The following SCRT1 variants were observed in gnomAD, a reference collection of about 807,000 sequenced individuals.
The protein encoded by SCRT1 is transcriptional repressor scratch 1.
SCRT1 carries 1 observed loss-of-function variant against 3.4 expected under a neutral mutation model. That is an observed-to-expected ratio of 0.29 (90% confidence interval 0.10 to 1.39). The LOEUF (loss-of-function observed/expected upper bound fraction) is 1.39. Among genes scored for constraint, SCRT1 ranks in the 40% most tolerant of loss-of-function variants. SCRT1 has a pLI of 0.42. For synonymous variants in SCRT1, 238 were observed against 247.0 expected (o/e 0.96, Z 0.34); for missense variants, 380 against 526.3 (o/e 0.72, Z 2.72).
At position 144,333,959 on chromosome 8, in the gene SCRT1, G is replaced by A. The variant is rs1554850010; in HGVS notation, c.273C>T (p.Arg91=). Residue 91 remains arginine (R), a synonymous_variant, in exon 2 of 2, where the codon CGC becomes CGT. Transcript: ENST00000569446. ...AAGSAPPPTP[R]PELATAAGGY... is the part of the protein sequence containing the mutation. ...CGCCCGCAGCGGTGGCCAGCTCCGG[G>A]CGCGGGGTGGGCGGCGGCGCAGACC... 3 of 1,358,760 alleles carry A rather than the reference G, an allele frequency of 2.2e-6. No individual in the cohort carries two copies. The highest frequency in any genetic ancestry group is 2.8e-6 in the Non-Finnish European group (3 of 1,058,442). 84.2% of individuals were successfully genotyped at this position (1,358,760 alleles called of 1,614,324 possible).
In SCRT1 at chr8:144,335,196, C is replaced by T. The variant is rs1203482881; in HGVS notation, c.115+859G>A. On this transcript the variant is annotated intron_variant, in intron 1 of 1. Transcript: ENST00000569446. The surrounding 1 kb of genome is among the most constrained non-coding windows in gnomAD (Gnocchi z 7.7). ...CGCAGGGTCACACATGCAGTCACCC[C>T]GGACACACTCTCAAGTCACATGGTG... Among the ~76,000 whole-genome samples, 6 of 152,304 alleles carry T rather than the reference C, an allele frequency of 3.9e-5. No homozygotes were observed. Among genetic ancestry groups the T allele is most frequent in the African/African-American group, 1.4e-4 (6 of 41,552 alleles).
intron 1 of SCRT1, 102 bp from the exon 2 acceptor site, chr8:144,334,218 C>T: frequency 1.1e-6 from 1 of 912,300 alleles, no homozygotes; most frequent in Non-Finnish European, 1.6e-6. Context: ...ACCGGGAGAC[C>T]CGGGTCCGGG....
In SCRT1 at chr8:144,333,761, C is replaced by G; in HGVS notation, c.471G>C (p.Gly157=). Residue 157 remains glycine (G), a synonymous_variant, in exon 2 of 2, where the codon GGG becomes GGC. Coordinates refer to ENST00000569446, the MANE Select transcript of SCRT1 (RefSeq NM_031309.6). ...GDAGGGGGAG[G]RSLGSGPGGR... Reference sequence around the variant, plus strand: ...CCCCCGGCCCGGATCCCAAGCTGCGCCCGCCCGCCCCGCCCCCGCCTCCGG... The same window carrying G: ...CCCCCGGCCCGGATCCCAAGCTGCGGCCGCCCGCCCCGCCCCCGCCTCCGG... The G allele has an allele frequency of 8.5e-7, 1 of 1,171,042 alleles. No homozygotes were observed. Among genetic ancestry groups the G allele is most frequent in the Non-Finnish European group, 1.1e-6 (1 of 949,574 alleles). 72.5% of individuals were successfully genotyped at this position (1,171,042 alleles called of 1,614,324 possible). A position where few individuals can be genotyped will look rare whatever the true frequency, so the allele number is the denominator to read the frequency against.
rs1817823845 is a variant in SCRT1, at chr8:144,333,313, T to G, written c.919A>C (p.Lys307Gln). 6.2e-7 allele frequency: 1 copy of G among 1,612,790 alleles called. No individual in the cohort carries two copies. The change falls in exon 2 of 2, where the codon AAG (lysine) becomes CAG (glutamine). Residue 307 changes from lysine (K) to glutamine (Q), a missense_variant. Coordinates refer to ENST00000569446, the MANE Select transcript of SCRT1 (RefSeq NM_031309.6). ...AGCGCGAAGCTCTTCTTGCAGCGCT[T>G]GCACTGGAAGTGCTTGAAGGCCGAA... ...THSAFKHFQCKRCKKSFALKS... is the reference protein window; with the variant it reads ...THSAFKHFQCQRCKKSFALKS...
At position 144,333,773 on chromosome 8, in the gene SCRT1, G is replaced by A. The variant is rs1225487214; in HGVS notation, c.459C>T (p.Gly153=). ...ATCCCAAGCTGCGCCCGCCCGCCCC[G>A]CCCCCGCCTCCGGCGTCGCCGTCGG... ...AAPDGDAGGG[G]GAGGRSLGSG... Residue 153 remains glycine, a synonymous_variant, in exon 2 of 2, where the codon GGC becomes GGT. Coordinates refer to ENST00000569446, the MANE Select transcript of SCRT1 (RefSeq NM_031309.6). The A allele has an allele frequency of 1.0e-5, 12 of 1,190,964 alleles. No homozygotes were observed. In the East Asian group the frequency reaches 2.5e-4, roughly 25 times the overall value. 73.8% of individuals were successfully genotyped at this position (1,190,964 alleles called of 1,614,324 possible). A position where few individuals can be genotyped will look rare whatever the true frequency, so the allele number is the denominator to read the frequency against.
At position 144,331,227 on chromosome 8, in the gene SCRT1, A is replaced by G. The variant is rs1049381745; in HGVS notation, c.*1958T>C. 1 of 152,312 alleles carries G rather than the reference A, an allele frequency of 6.6e-6. No homozygotes were observed. Among genetic ancestry groups the G allele is most frequent in the Non-Finnish European group, 1.5e-5 (1 of 68,108 alleles). The allele number at this position is 152,312 out of a possible 1,614,324, so 9.4% of individuals were successfully genotyped here. ...TGCTGGGGGTGAGGCTGGCCACACC[A>G]TAGGCTACAGCTGGCACCTTCTTCT... is the stretch of plus-strand genomic sequence containing the variant. On this transcript the variant is annotated 3_prime_UTR_variant, in exon 2 of 2. Transcript: ENST00000569446.
rs1163474310 is a variant in SCRT1, at chr8:144,335,929, C to T, written c.115+126G>A. 14 of 647,144 alleles carry T rather than the reference C, an allele frequency of 2.2e-5. No individual in the cohort carries two copies. In the Middle Eastern group the frequency reaches 1.3e-3, roughly 59 times the overall value. 40.1% of individuals were successfully genotyped at this position (647,144 alleles called of 1,614,324 possible). A position where few individuals can be genotyped will look rare whatever the true frequency, so the allele number is the denominator to read the frequency against. On this transcript the variant is annotated intron_variant, in intron 1 of 1. Coordinates refer to ENST00000569446, the MANE Select transcript of SCRT1 (RefSeq NM_031309.6). The surrounding 1 kb of genome is among the most constrained non-coding windows in gnomAD (Gnocchi z 7.7). Reference sequence around the variant, plus strand: ...CTACCGTCCAGGCTCCAGCCACAGACTCTTGCCGTTTCTGGTTCCCTTCAG... The same window carrying T: ...CTACCGTCCAGGCTCCAGCCACAGATTCTTGCCGTTTCTGGTTCCCTTCAG...
chr8:144,332,907 T>G lies in SCRT1; in HGVS notation c.*278A>C. The G allele has an allele frequency of 7.9e-6, 3 of 377,900 alleles. No homozygotes were observed. The highest frequency in any genetic ancestry group is 4.2e-5 in the East Asian group (1 of 23,954). The allele number at this position is 377,900 out of a possible 1,614,324, so 23.4% of individuals were successfully genotyped here. The stretch of plus-strand genomic sequence containing the variant: ...TCAGAGACCCAACTCGGAGATGAGG[T>G]TCGGTTCTAGGTCTCGTCGACCCTA... On this transcript the variant is annotated 3_prime_UTR_variant, in exon 2 of 2. Transcript: ENST00000569446.
At position 144,333,116 on chromosome 8, in the gene SCRT1, C is replaced by T. The variant is rs535278359; in HGVS notation, c.*69G>A. Reference sequence around the variant, plus strand: ...CCGCCCTCCGGCCCCTCCACCCGGACGCCAGCGAAGACTTCCCTGGGGGGC... The same window carrying T: ...CCGCCCTCCGGCCCCTCCACCCGGATGCCAGCGAAGACTTCCCTGGGGGGC... On this transcript the variant is annotated 3_prime_UTR_variant, in exon 2 of 2. Transcript: ENST00000569446. 2.6e-3 allele frequency: 3,465 copies of T among 1,323,032 alleles called. 53 individuals carry two copies. The African/African-American group carries it at 0.043, about 16-fold the overall frequency. The allele number at this position is 1,323,032 out of a possible 1,614,324, so 82.0% of individuals were successfully genotyped here.
chr8:144,336,355 C>G lies in SCRT1; in HGVS notation c.-186G>C. ...CCCTGCGTCTCCTCCGTTGCCCCTC[C>G]GGATCCCTCTTCTTCCTCCTTCCTT... On this transcript the variant is annotated 5_prime_UTR_variant, in exon 1 of 2. Transcript: ENST00000569446. This position sits in a 1 kb window ranked among gnomAD's most constrained non-coding sequence, Gnocchi z 6.8. 1 of 524,504 alleles carries G rather than the reference C, an allele frequency of 1.9e-6. No individual in the cohort carries two copies. 32.5% of individuals were successfully genotyped at this position (524,504 alleles called of 1,614,324 possible).
In SCRT1 at chr8:144,335,450, A is replaced by C. The variant is rs545078117; in HGVS notation, c.115+605T>G. Among the ~76,000 whole-genome samples the C allele has an allele frequency of 2.6e-4, 40 of 152,054 alleles. No individual in the cohort carries two copies. The highest frequency in any genetic ancestry group is 2.5e-3 in the Admixed American group (38 of 15,294). ...TGTCCTTGAACTTGGGCACCCTTAC[A>C]CAAAGAGCCTCCCCCTGCCTCCCAC... On this transcript the variant is annotated intron_variant, in intron 1 of 1. Transcript: ENST00000569446. The surrounding 1 kb of genome is among the most constrained non-coding windows in gnomAD (Gnocchi z 7.7).
Position 144,333,165 on chromosome 8 carries a change from C to A in SCRT1, c.*20G>T. 2 of 1,486,352 alleles carry A rather than the reference C, an allele frequency of 1.3e-6. No individual in the cohort carries two copies. Among genetic ancestry groups the A allele is most frequent in the Non-Finnish European group, 8.9e-7 (1 of 1,124,132 alleles). The allele number at this position is 1,486,352 out of a possible 1,614,324, so 92.1% of individuals were successfully genotyped here. The stretch of plus-strand genomic sequence containing the variant: ...GCCGTATTGCTGAGAGCCGACCTGG[C>A]TGGGGGAGGCCCCGCCGCCCTAGGC... On this transcript the variant is annotated 3_prime_UTR_variant, in exon 2 of 2. Coordinates refer to ENST00000569446, the MANE Select transcript of SCRT1 (RefSeq NM_031309.6).
rs1299000906 is a variant in SCRT1, at chr8:144,331,603, G to C, written c.*1582C>G. 6.6e-6 allele frequency: 1 copy of C among 152,278 alleles called. No homozygotes were observed. Among genetic ancestry groups the C allele is most frequent in the African/African-American group, 2.4e-5 (1 of 41,458 alleles). The allele number at this position is 152,278 out of a possible 1,614,324, so 9.4% of individuals were successfully genotyped here. A position where few individuals can be genotyped will look rare whatever the true frequency, so the allele number is the denominator to read the frequency against. ...GGCACATAGTAGGTGCTCAATGAAC[G>C]GTCAGTGAATGATTAATGCCTGAAG... On this transcript the variant is annotated 3_prime_UTR_variant, in exon 2 of 2. Transcript: ENST00000569446.
rs1391135479 is a variant in SCRT1 at position 144,332,471 on chromosome 8, ATG to A, written c.*712_*713del. ...GTCGGATAAGTCCATGCGATTCGAT[ATG>A]TGTCATTATTATTCGATATGGAGGA... On this transcript the variant is annotated 3_prime_UTR_variant, in exon 2 of 2. Coordinates refer to ENST00000569446, the MANE Select transcript of SCRT1 (RefSeq NM_031309.6). 6.6e-6 allele frequency: 1 copy of A among 152,200 alleles called. No homozygotes were observed. The highest frequency in any genetic ancestry group is 1.5e-5 in the Non-Finnish European group (1 of 67,964). The allele number at this position is 152,200 out of a possible 1,614,324, so 9.4% of individuals were successfully genotyped here.
rs1817729561 is a variant in SCRT1 at position 144,330,981 on chromosome 8, C to T, written c.*2204G>A. Reference sequence around the variant, plus strand: ...GGGGTGTAGGGGGAAGCAGGAGACCCTGACGGGCCCACAGCCCTCCAGCTT... The same window carrying T: ...GGGGTGTAGGGGGAAGCAGGAGACCTTGACGGGCCCACAGCCCTCCAGCTT... On this transcript the variant is annotated 3_prime_UTR_variant, in exon 2 of 2. Transcript: ENST00000569446. The T allele has an allele frequency of 6.6e-6, 1 of 152,582 alleles. No individual in the cohort carries two copies. The allele number at this position is 152,582 out of a possible 1,614,324, so 9.5% of individuals were successfully genotyped here.
In SCRT1 at chr8:144,336,045, C is replaced by A; in HGVS notation, c.115+10G>T. 1.3e-6 allele frequency: 2 copies of A among 1,571,048 alleles called. No homozygotes were observed. Among genetic ancestry groups the A allele is most frequent in the Non-Finnish European group, 1.7e-6 (2 of 1,155,896 alleles). On this transcript the variant is annotated intron_variant, in intron 1 of 1. Transcript: ENST00000569446. The surrounding 1 kb of genome is among the most constrained non-coding windows in gnomAD (Gnocchi z 6.8). Reference sequence around the variant, plus strand: ...CAGGCCCCGCGCCCTGGTCTCAGACCAGCGCTCACCTTTATCGTGCAGTGG... The same window carrying A: ...CAGGCCCCGCGCCCTGGTCTCAGACAAGCGCTCACCTTTATCGTGCAGTGG...
In SCRT1 at chr8:144,331,825, T is replaced by G. The variant is rs1276496485; in HGVS notation, c.*1360A>C. The G allele has an allele frequency of 2.0e-5, 3 of 152,604 alleles. No individual in the cohort carries two copies. The highest frequency in any genetic ancestry group is 7.2e-5 in the African/African-American group (3 of 41,446). The allele number at this position is 152,604 out of a possible 1,614,324, so 9.5% of individuals were successfully genotyped here. A position where few individuals can be genotyped will look rare whatever the true frequency, so the allele number is the denominator to read the frequency against. On this transcript the variant is annotated 3_prime_UTR_variant, in exon 2 of 2. Transcript: ENST00000569446. ...CAGTAACTCTAGAGGCGGCGGCAGC[T>G]TCGCATGCAGTGCGCATTATTGCTC...
At position 144,332,953 on chromosome 8, in the gene SCRT1, G is replaced by T. The variant is rs534677286; in HGVS notation, c.*232C>A. The stretch of plus-strand genomic sequence containing the variant: ...CCCTATTGCTGGGAGAAAGCCGGGG[G>T]CACCCTGGAGGGGAGGGGAGGGGGC... On this transcript the variant is annotated 3_prime_UTR_variant, in exon 2 of 2. Coordinates refer to ENST00000569446, the MANE Select transcript of SCRT1 (RefSeq NM_031309.6). The T allele has an allele frequency of 1.1e-5, 5 of 473,226 alleles. No individual in the cohort carries two copies. Among genetic ancestry groups the T allele is most frequent in the Non-Finnish European group, 1.5e-5 (4 of 272,632 alleles). 29.3% of individuals were successfully genotyped at this position (473,226 alleles called of 1,614,324 possible).
In SCRT1 at chr8:144,334,076, A is replaced by T; in HGVS notation, c.156T>A (p.Asp52Glu). 1 of 1,535,658 alleles carries T rather than the reference A, an allele frequency of 6.5e-7. No individual in the cohort carries two copies. The stretch of plus-strand genomic sequence containing the variant: ...TGAGCAGCGCAGCCTCGGCGTCGCC[A>T]TCGTAGACGGACGAGGGCCCCACGT... Reference protein sequence around the residue: ...SDYVGPSSVYDGDAEAALLKG... With the variant: ...SDYVGPSSVYEGDAEAALLKG... The change falls in exon 2 of 2, where the codon GAT (aspartate) becomes GAA (glutamate). Residue 52 changes from aspartate to glutamate, a missense_variant. Asp to Glu is a conservative substitution (Grantham distance 45). Around this residue, in one of 5 missense-constraint regions of SCRT1, gnomAD observed 125 missense variants for 132.7 expected, o/e 0.94. Transcript: ENST00000569446.
Sources: gnomAD v4.1 joint callset for allele counts (sites outside exome capture counted in the v4.1 genomes callset) on GRCh38, gnomAD v4.1.1 for gene constraint, gnomAD v4.1.1 regional missense constraint, Gnocchi (gnomAD v3.1) non-coding constraint, MANE v1.5 for transcripts, NCBI Gene and HGNC (gene_info 2026-07-23, HGNC 2026-07-21) for gene names.